TTC19: variants seen among roughly 807,000 people sequenced by gnomAD.
TTC19 encodes the protein tetratricopeptide repeat domain 19.
In TTC19, 38 loss-of-function variants were observed where a neutral mutation model predicts 49.5. The ratio of observed to expected loss-of-function variants is 0.77; its 90% confidence interval spans 0.59 to 1.01. The LOEUF is 1.01. Among genes scored for constraint, TTC19 ranks in the 50% least tolerant of loss-of-function variants. The probability of loss-of-function intolerance (pLI) is 0.00; values close to 1 mark genes in which losing one functional copy is unlikely to be tolerated. For synonymous variants in TTC19, 204 were observed against 185.2 expected, an observed-to-expected ratio of 1.10 and a Z score of -0.83; for missense variants, 475 against 477.7, an observed-to-expected ratio of 0.99 and a Z score of 0.05.
chr17:16,024,254 CTGAA>C (rs1971475321), intron 7 of TTC19: 1 of 152,018 alleles, frequency 6.6e-6, no homozygotes, highest in Non-Finnish European at 1.5e-5. Flanking sequence ...TTCTTCTTCT[CTGAA>C]TGATTAGCTT....
In TTC19 at chr17:16,026,950, T is replaced by C. The variant is rs1015330800; in HGVS notation, c.994+248T>C. On this transcript the variant is annotated intron_variant, in intron 9 of 9. Coordinates refer to ENST00000261647, the MANE Select transcript of TTC19 (RefSeq NM_017775.4). ...CAAGCTGGAGAAAACCTTGCAATGA[T>C]AGTACCTTACGTCAGTAGTGCTTTA... 1.0e-5 allele frequency: 6 copies of C among 580,344 alleles called. No homozygotes were observed. In the Admixed American group the frequency reaches 1.7e-4, roughly 16 times the overall value. 35.9% of individuals were successfully genotyped at this position (580,344 alleles called of 1,614,324 possible). A position where few individuals can be genotyped will look rare whatever the true frequency, so the allele number is the denominator to read the frequency against.
chr17:16,044,306 TCAGAAA>T, intron 2 of TTC19: 1 of 447,792 alleles, frequency 2.2e-6, no homozygotes, highest in South Asian at 1.7e-5. Context: ...GAGGACAAGT[TCAGAAA>T]CAGTGGTGAC....
At chr17:16,043,405 TA>T (rs991252674) in intron 2 of TTC19, among the ~76,000 whole-genome samples, 2 of 148,760 alleles carry the variant, frequency 1.3e-5, no homozygotes, top group Non-Finnish European at 1.5e-5. Context: ...GTTCTTGCAA[TA>T]AAAAAAAAAT....
intron 7 of TTC19, among the ~76,000 whole-genome samples, chr17:16,012,076 G>A (rs1971088258): frequency 6.6e-6 from 1 of 151,392 alleles, no homozygotes; most frequent in South Asian, 2.1e-4. Flanking sequence ...TTTTATTGGA[G>A]CTTTATTGTA....
chr17:16,025,843 T>C (rs1024823937), intron 8 of TTC19, among the ~76,000 whole-genome samples: 2 of 152,144 alleles, frequency 1.3e-5, no homozygotes, highest in African/African-American at 4.8e-5. Context: ...GAGTAATATG[T>C]TTTGGAAGAA....
chr17:16,001,961 A>G lies in TTC19; in HGVS notation c.359A>G (p.His120Arg), dbSNP rs1970749702. 1 of 1,613,552 alleles carries G rather than the reference A, an allele frequency of 6.2e-7. No individual in the cohort carries two copies. The highest frequency in any genetic ancestry group is 1.1e-5 in the South Asian group (1 of 91,088). Residue 120 changes from histidine (H) to arginine (R), a missense_variant, in exon 3 of 10, where the codon CAT (histidine) becomes CGT (arginine). By Grantham distance (29) the His-to-Arg change is conservative. Transcript: ENST00000261647. The part of the protein sequence containing the change: ...DEPEEAELIL[H>R]DALRLAYQTD... ...CCAGAAGAGGCTGAGTTAATTTTGCATGACGCTCTTCGTCTCGCCTATCAG... is the reference window on the plus strand; with the variant it reads ...CCAGAAGAGGCTGAGTTAATTTTGCGTGACGCTCTTCGTCTCGCCTATCAG...
chr17:16,041,661 C>T (rs956164353), intron 2 of TTC19, among the ~76,000 whole-genome samples: 1 of 152,030 alleles, frequency 6.6e-6, no homozygotes. Flanking sequence ...GTGATCTACC[C>T]ACCTCAGCCT....
At chr17:16,043,208 C>T (rs1382181993) in intron 2 of TTC19, among the ~76,000 whole-genome samples, 1 of 151,998 alleles carries the variant, frequency 6.6e-6, no homozygotes, top group East Asian at 1.9e-4. Context: ...TTACAGTTTT[C>T]AAAAAAATAA....
intron 2 of TTC19, among the ~76,000 whole-genome samples, chr17:16,034,414 C>A (rs543717039): frequency 1.3e-5 from 2 of 152,086 alleles, no homozygotes; most frequent in African/African-American, 4.8e-5. Flanking sequence ...CGTAGTGAGA[C>A]CTTGTCCCTA....
intron 9 of TTC19, 82 bp downstream of exon 9, chr17:16,026,784 G>A (rs1971576270): frequency 7.1e-7 from 1 of 1,417,014 alleles, no homozygotes; most frequent in Non-Finnish European, 1.0e-6. Flanking sequence ...TGGTATGTAG[G>A]GAGGGCAAGG....
intron 7 of TTC19, among the ~76,000 whole-genome samples, chr17:16,016,032 T>C (rs1003900972): frequency 6.6e-6 from 1 of 152,168 alleles, no homozygotes; most frequent in Non-Finnish European, 1.5e-5. Context: ...TTCACTTATT[T>C]CTACTTTGTC....
chr17:16,043,274 T>C (rs1010927709), intron 2 of TTC19, among the ~76,000 whole-genome samples: 1 of 152,208 alleles, frequency 6.6e-6, no homozygotes, highest in African/African-American at 2.4e-5. Flanking sequence ...GAAGTGAAGC[T>C]GTGTTGGCTG....
At chr17:16,044,895 G>T in exon 3 of TTC19, 1 of 720,854 alleles carries the variant, frequency 1.4e-6, no homozygotes, top group Non-Finnish European at 2.4e-6. Context: ...TGAGAAGAAA[G>T]TGGAAGCAAA....
At chr17:16,016,968 A>G (rs1971234496) in intron 7 of TTC19, among the ~76,000 whole-genome samples, 1 of 152,204 alleles carries the variant, frequency 6.6e-6, no homozygotes, top group South Asian at 2.1e-4. Context: ...TGCTGGGATT[A>G]CAGGCATGAG....
intron 2 of TTC19, among the ~76,000 whole-genome samples, chr17:16,042,640 T>C (rs552364462): frequency 3.3e-5 from 5 of 152,228 alleles, no homozygotes; most frequent in South Asian, 4.2e-4. Context: ...GAATGGAAGG[T>C]AGACATGTGA....
Position 16,001,765 on chromosome 17 carries a change from G to A in TTC19, c.313-150G>A, listed in dbSNP as rs1033732631. On this transcript the variant is annotated intron_variant, in intron 2 of 9. Transcript: ENST00000261647. ...CCTCCCTGTCATCTCTGTAGACAAT[G>A]CTTTGTACATAGTAGGAATTCAGTA... is the stretch of plus-strand genomic sequence containing the variant. The A allele has an allele frequency of 4.8e-5, 32 of 672,206 alleles. 1 individual carries two copies. In the South Asian group the frequency reaches 5.4e-4, roughly 11 times the overall value. 41.6% of individuals were successfully genotyped at this position (672,206 alleles called of 1,614,324 possible).
intron 2 of TTC19, among the ~76,000 whole-genome samples, chr17:16,043,730 T>A (rs1475800096): frequency 6.6e-6 from 1 of 152,206 alleles, no homozygotes; most frequent in Admixed American, 6.5e-5. Context: ...CTGAGATCTC[T>A]AGCTCTCCGT....
chr17:16,036,298 T>C (rs548324379), intron 2 of TTC19, among the ~76,000 whole-genome samples: 1 of 152,208 alleles, frequency 6.6e-6, no homozygotes, highest in Non-Finnish European at 1.5e-5. Flanking sequence ...GCTTAAAATA[T>C]TCAGCAAGCC....
intron 2 of TTC19, chr17:16,040,234 G>A (rs1382793527): frequency 3.0e-6 from 2 of 665,524 alleles, no homozygotes; most frequent in Non-Finnish European, 5.5e-6. Context: ...CATTCTTTTT[G>A]TTCATTTATC....
Sources: gnomAD v4.1 joint callset for allele counts (sites outside exome capture counted in the v4.1 genomes callset) on GRCh38, gnomAD v4.1.1 for gene constraint, MANE v1.5 for transcripts, NCBI Gene and HGNC (gene_info 2026-07-23, HGNC 2026-07-21) for gene names.